The following NEDD1 variants were observed in gnomAD, a reference collection of about 807,000 sequenced individuals.
NEDD1 encodes NEDD1 gamma-tubulin ring complex targeting factor, also known as protein NEDD1.
A neutral mutation model predicts 74.0 loss-of-function variants in NEDD1; 33 were observed. The ratio of observed to expected loss-of-function variants is 0.45; its 90% confidence interval spans 0.34 to 0.60. The LOEUF is 0.60. NEDD1 is among the 20% of genes least tolerant of loss of function. The pLI, the probability that NEDD1 is intolerant of heterozygous loss-of-function variation, is 0.01. For missense variants in NEDD1, 746 were observed against 776.5 expected (o/e 0.96, Z 0.47); for synonymous variants, 250 against 264.4 (o/e 0.95, Z 0.53).
intron 4 of NEDD1, among the ~76,000 whole-genome samples, chr12:96,915,364 A>T (rs1449024510): frequency 1.3e-5 from 2 of 152,330 alleles, no homozygotes; most frequent in East Asian, 3.9e-4. Context: ...TTGAACGTGC[A>T]ATGGGGGAAG....
chr12:96,946,620 C>A (rs1878223155), intron 14 of NEDD1, among the ~76,000 whole-genome samples: 1 of 152,058 alleles, frequency 6.6e-6, no homozygotes, highest in Admixed American at 6.6e-5. Flanking sequence ...TTTACCCTAC[C>A]TAGTATATGT....
intron 5 of NEDD1, among the ~76,000 whole-genome samples, chr12:96,917,945 T>C (rs923666769): frequency 6.6e-6 from 1 of 152,168 alleles, no homozygotes; most frequent in Non-Finnish European, 1.5e-5. Flanking sequence ...ATGCATATGA[T>C]CAACATTTAC....
At position 96,942,573 on chromosome 12, in the gene NEDD1, A is replaced by G. The variant is rs1269435150; in HGVS notation, c.1247-4A>G. Reference sequence around the variant, plus strand: ...TTAAAATTTGATTTTCTAATTTGTTATAGATGCTGTAGTTAACAAGGGAAG... The same window carrying G: ...TTAAAATTTGATTTTCTAATTTGTTGTAGATGCTGTAGTTAACAAGGGAAG... On this transcript the variant is annotated splice_region_variant and splice_polypyrimidine_tract_variant and intron_variant, in intron 10 of 15. Coordinates refer to ENST00000266742, the MANE Select transcript of NEDD1 (RefSeq NM_152905.4). 2 of 1,435,902 alleles carry G rather than the reference A, an allele frequency of 1.4e-6. No individual in the cohort carries two copies. The highest frequency in any genetic ancestry group is 1.2e-5 in the South Asian group (1 of 85,996). 88.9% of individuals were successfully genotyped at this position (1,435,902 alleles called of 1,614,324 possible).
rs574520963 is a variant in NEDD1 at position 96,930,858 on chromosome 12, A to G, written c.490-4118A>G. 3.3e-5 allele frequency among the ~76,000 whole-genome samples: 5 copies of G among 152,252 alleles called. No individual in the cohort carries two copies. The East Asian group carries it at 9.6e-4, about 29-fold the overall frequency. ...TGCACACACACGTACACATGCACTC[A>G]CAGTATTGACGGTCATTCAGAAACT... On this transcript the variant is annotated intron_variant, in intron 6 of 15. Coordinates refer to ENST00000266742, the MANE Select transcript of NEDD1 (RefSeq NM_152905.4).
intron 5 of NEDD1, 24 bp from the exon 6 acceptor site, chr12:96,919,961 C>T: frequency 6.4e-7 from 1 of 1,572,390 alleles, no homozygotes; most frequent in Non-Finnish European, 8.7e-7. Flanking sequence ...GGGCAGTGTA[C>T]TTACTTTCAT....
chr12:96,923,829 T>TGTGA (rs1186193892), intron 6 of NEDD1, among the ~76,000 whole-genome samples: 3 of 147,514 alleles, frequency 2.0e-5, no homozygotes, highest in Middle Eastern at 3.4e-3. Flanking sequence ...TGTGTGTGTG[T>TGTGA]GAAACTGTAT....
intron 7 of NEDD1, 51 bp downstream of exon 7, chr12:96,935,256 C>G: frequency 9.5e-7 from 1 of 1,057,772 alleles, no homozygotes; most frequent in Non-Finnish European, 1.5e-6. Context: ...GCTATTATTC[C>G]ATTAACAGGC....
At chr12:96,944,189 CAA>C in intron 12 of NEDD1, among the ~76,000 whole-genome samples, 1 of 151,870 alleles carries the variant, frequency 6.6e-6, no homozygotes, top group South Asian at 2.1e-4. Context: ...TCAAAATGAT[CAA>C]AAATTACCAG....
rs1253149251 is a variant in NEDD1, at chr12:96,953,158, A to G, written c.*1105A>G. The G allele has an allele frequency of 1.3e-5, 2 of 151,094 alleles. No individual in the cohort carries two copies. The highest frequency in any genetic ancestry group is 3.0e-5 in the Non-Finnish European group (2 of 67,482). 9.4% of individuals were successfully genotyped at this position (151,094 alleles called of 1,614,324 possible). On this transcript the variant is annotated 3_prime_UTR_variant, in exon 16 of 16. Transcript: ENST00000266742. Reference sequence around the variant, plus strand: ...AAAGATTTAAACTGTGTACCTTTGTATAGCTCTTCTGCCCCATTTTGACTT... The same window carrying G: ...AAAGATTTAAACTGTGTACCTTTGTGTAGCTCTTCTGCCCCATTTTGACTT...
intron 6 of NEDD1, among the ~76,000 whole-genome samples, chr12:96,931,705 A>G (rs1876487372): frequency 6.6e-6 from 1 of 152,214 alleles, no homozygotes; most frequent in Admixed American, 6.5e-5. Context: ...TCATATCTTA[A>G]ACAGCTATTA....
In NEDD1 at chr12:96,953,437, T is replaced by C. The variant is rs1878880204; in HGVS notation, c.*1384T>C. The C allele has an allele frequency of 1.3e-5, 2 of 151,864 alleles. No homozygotes were observed. The highest frequency in any genetic ancestry group is 2.9e-5 in the Non-Finnish European group (2 of 67,806). The allele number at this position is 151,864 out of a possible 1,614,324, so 9.4% of individuals were successfully genotyped here. On this transcript the variant is annotated 3_prime_UTR_variant, in exon 16 of 16. Transcript: ENST00000266742. ...TTCCTGACAGATTATGAAAGCATTATGACTTGTAACAAGTTTCCTTGTATA... is the reference window on the plus strand; with the variant it reads ...TTCCTGACAGATTATGAAAGCATTACGACTTGTAACAAGTTTCCTTGTATA...
intron 11 of NEDD1, 141 bp from the exon 12 acceptor site, chr12:96,943,419 G>T (rs1050571119): frequency 3.2e-6 from 2 of 626,082 alleles, no homozygotes; most frequent in African/African-American, 1.8e-5. Flanking sequence ...CAATTGCGGG[G>T]TGTATCTGAG....
At chr12:96,923,417 T>G (rs1875326250) in intron 6 of NEDD1, among the ~76,000 whole-genome samples, 1 of 152,194 alleles carries the variant, frequency 6.6e-6, no homozygotes, top group South Asian at 2.1e-4. Flanking sequence ...GGCATACAGT[T>G]TTACTTTATG....
chr12:96,907,680 A>G lies in NEDD1; in HGVS notation c.-185A>G, dbSNP rs1377317649. ...GTAAAGTGTATTTTTGGTGATTGAA[A>G]GTTGGAGAACTTTCATTTCAGCTGA... On this transcript the variant is annotated 5_prime_UTR_variant, in exon 2 of 16. Coordinates refer to ENST00000266742, the MANE Select transcript of NEDD1 (RefSeq NM_152905.4). 1 of 1,551,340 alleles carries G rather than the reference A, an allele frequency of 6.4e-7. No individual in the cohort carries two copies. Among genetic ancestry groups the G allele is most frequent in the Admixed American group, 2.0e-5 (1 of 50,992 alleles).
chr12:96,952,029 C>G lies in NEDD1; in HGVS notation c.1959C>G (p.Asn653Lys). The change falls in exon 16 of 16, where the codon AAC (asparagine) becomes AAG (lysine). Residue 653 changes from asparagine (N) to lysine (K), a missense_variant. This residue lies in a region of NEDD1 where 29 missense variants were observed against 50.8 expected (regional missense o/e 0.57). Transcript: ENST00000266742. ...VAEIERLREE[N>K]KRLRAHF ...AAATTGAAAGACTACGAGAAGAAAACAAAAGATTACGGGCCCACTTTTGAA... is the reference window on the plus strand; with the variant it reads ...AAATTGAAAGACTACGAGAAGAAAAGAAAAGATTACGGGCCCACTTTTGAA... 1.2e-6 allele frequency: 2 copies of G among 1,600,134 alleles called. No individual in the cohort carries two copies. The highest frequency in any genetic ancestry group is 1.1e-5 in the South Asian group (1 of 90,680).
At chr12:96,920,223 A>C (rs11830756) in intron 6 of NEDD1, 98 bp downstream of exon 6, 1 of 685,504 alleles carries the variant, frequency 1.5e-6, no homozygotes, top group Non-Finnish European at 2.3e-6. Context: ...TGCTTGATTG[A>C]AAAACTTCAG....
chr12:96,917,262 A>G (rs1399466374), intron 4 of NEDD1, among the ~76,000 whole-genome samples: 2 of 152,218 alleles, frequency 1.3e-5, no homozygotes, highest in Non-Finnish European at 2.9e-5. Context: ...ATTTTAATGT[A>G]GGATATTCTG....
chr12:96,932,712 T>TA (rs2136573986), intron 6 of NEDD1, among the ~76,000 whole-genome samples: 1 of 151,236 alleles, frequency 6.6e-6, no homozygotes, highest in African/African-American at 2.4e-5. Context: ...AAGGGTCTTT[T>TA]AAAAAATATG....
intron 4 of NEDD1, among the ~76,000 whole-genome samples, chr12:96,916,045 G>A (rs1874402832): frequency 6.6e-6 from 1 of 152,098 alleles, no homozygotes; most frequent in Admixed American, 6.5e-5. Flanking sequence ...AAGGAGAATA[G>A]CTGTGTAGAA....
Sources: allele counts gnomAD v4.1 joint callset (sites outside exome capture counted in the v4.1 genomes callset), GRCh38; gene constraint gnomAD v4.1.1; regional missense constraint gnomAD v4.1.1; transcripts MANE v1.5; gene names NCBI Gene and HGNC (gene_info 2026-07-23, HGNC 2026-07-21).